NFIA: variants seen among roughly 807,000 people sequenced by gnomAD.
The protein encoded by NFIA is nuclear factor I A.
In NFIA, 8 loss-of-function variants were observed where a neutral mutation model predicts 62.8. That is an observed-to-expected ratio of 0.13 (90% confidence interval 0.07 to 0.23). The LOEUF is 0.23. Ranked by LOEUF, NFIA falls within the 10% of genes least tolerant of loss-of-function variation. NFIA has a pLI of 1.00. For synonymous variants in NFIA, 235 were observed against 238.1 expected, an observed-to-expected ratio of 0.99 and a Z score of 0.12; for missense variants, 410 against 642.1, an observed-to-expected ratio of 0.64 and a Z score of 3.91.
At chr1:61,352,785 GCA>G (rs1302904766) in intron 5 of NFIA, among the ~76,000 whole-genome samples, 1 of 115,742 alleles carries the variant, frequency 8.6e-6, no homozygotes, top group Non-Finnish European at 1.8e-5. Context: ...ACACACACAC[GCA>G]CACACACTAA....
At chr1:61,282,953 C>A (rs963541017) in intron 3 of NFIA, among the ~76,000 whole-genome samples, 1 of 152,192 alleles carries the variant, frequency 6.6e-6, no homozygotes, top group Non-Finnish European at 1.5e-5. Context: ...GTGGCATCAA[C>A]CCTCAGATGG....
chr1:61,450,650 G>A lies in NFIA; in HGVS notation c.1513-4653G>A, dbSNP rs75909582. ...TGTCCTCAAATAACCCACCTTGCCTGCAGAAGAAAGCCAAGTGTCACACCC... is the reference window on the plus strand; with the variant it reads ...TGTCCTCAAATAACCCACCTTGCCTACAGAAGAAAGCCAAGTGTCACACCC... On this transcript the variant is annotated intron_variant, in intron 10 of 10. Coordinates refer to ENST00000403491, the MANE Select transcript of NFIA (RefSeq NM_001134673.4). Among the ~76,000 whole-genome samples the A allele has an allele frequency of 1.3e-3, 200 of 152,262 alleles. 2 individuals are homozygous for A. The East Asian group carries it at 0.035, about 27-fold the overall frequency.
At chr1:61,138,136 C>T (rs1312583553) in intron 2 of NFIA, among the ~76,000 whole-genome samples, 1 of 152,110 alleles carries the variant, frequency 6.6e-6, no homozygotes, top group Admixed American at 6.6e-5. Flanking sequence ...TTCTCTGTCA[C>T]CCATGCTGGA....
intron 3 of NFIA, among the ~76,000 whole-genome samples, chr1:61,290,191 A>G (rs1658786949): frequency 6.6e-6 from 1 of 152,106 alleles, no homozygotes; most frequent in Non-Finnish European, 1.5e-5. Context: ...GGAGGTGGAG[A>G]CTATAAAATG....
At chr1:61,097,632 T>C (rs946890258) in intron 2 of NFIA, among the ~76,000 whole-genome samples, 14 of 152,254 alleles carry the variant, frequency 9.2e-5, no homozygotes, top group African/African-American at 3.1e-4. Context: ...ACATTACCCA[T>C]CTTCATTTAA....
intron 2 of NFIA, among the ~76,000 whole-genome samples, chr1:61,108,393 C>CT (rs2100448549): frequency 6.6e-6 from 1 of 151,652 alleles, no homozygotes; most frequent in East Asian, 1.9e-4. Context: ...GTTTTTAACT[C>CT]TAATTTCTAG....
chr1:61,353,618 G>T (rs902785906), intron 5 of NFIA, among the ~76,000 whole-genome samples: 4 of 152,040 alleles, frequency 2.6e-5, no homozygotes, highest in Admixed American at 6.6e-5. Flanking sequence ...CCAAATTATA[G>T]AACTTTTCCT....
chr1:61,108,502 A>G (rs552429113), intron 2 of NFIA, among the ~76,000 whole-genome samples: 1 of 151,718 alleles, frequency 6.6e-6, no homozygotes, highest in South Asian at 2.1e-4. Context: ...TTTGTTTACT[A>G]TTTCGATAAT....
At chr1:61,314,441 A>G (rs1660266802) in intron 3 of NFIA, among the ~76,000 whole-genome samples, 1 of 152,232 alleles carries the variant, frequency 6.6e-6, no homozygotes, top group African/African-American at 2.4e-5. Flanking sequence ...CAAAGCTAGT[A>G]ATTGAGTGAA....
intron 2 of NFIA, among the ~76,000 whole-genome samples, chr1:61,225,553 CTTTTTTT>C (rs71244590): frequency 8.2e-6 from 1 of 122,592 alleles, no homozygotes; most frequent in African/African-American, 3.1e-5. Context: ...CCAGCTCGTA[CTTTTTTT>C]TTTTTTTTTT....
intron 4 of NFIA, among the ~76,000 whole-genome samples, chr1:61,344,870 C>G (rs956142507): frequency 6.6e-6 from 1 of 152,184 alleles, no homozygotes; most frequent in African/African-American, 2.4e-5. Flanking sequence ...TCCTCTCTTT[C>G]CAACAATGCA....
Position 61,462,190 on chromosome 1 carries a change from C to T in NFIA, c.*6870C>T, listed in dbSNP as rs1283960718. 1.3e-5 allele frequency: 2 copies of T among 151,922 alleles called. No homozygotes were observed. The highest frequency in any genetic ancestry group is 2.9e-5 in the Non-Finnish European group (2 of 67,978). The allele number at this position is 151,922 out of a possible 1,614,324, so 9.4% of individuals were successfully genotyped here. A position where few individuals can be genotyped will look rare whatever the true frequency, so the allele number is the denominator to read the frequency against. ...GACCATCGTCTCTGCACTGCGAAGGCATTTGGTAGCCTCGCCACTGAGATA... is the reference window on the plus strand; with the variant it reads ...GACCATCGTCTCTGCACTGCGAAGGTATTTGGTAGCCTCGCCACTGAGATA... On this transcript the variant is annotated 3_prime_UTR_variant, in exon 11 of 11. Transcript: ENST00000403491.
upstream of NFIA, chr1:61,082,351 C>T: frequency 2.8e-6 from 1 of 353,822 alleles, no homozygotes; most frequent in Non-Finnish European, 3.9e-6. Context: ...GGCGCCGCAG[C>T]CGCCCCCTCC....
chr1:61,388,987 AC>A (rs1377784255), intron 7 of NFIA, among the ~76,000 whole-genome samples: 1 of 151,938 alleles, frequency 6.6e-6, no homozygotes, highest in Non-Finnish European at 1.5e-5. Flanking sequence ...AGTGGTAGAG[AC>A]CTGTGGTCCT....
chr1:61,091,954 T>G (rs1030358083), intron 2 of NFIA, among the ~76,000 whole-genome samples: 3 of 152,180 alleles, frequency 2.0e-5, no homozygotes, highest in Admixed American at 2.0e-4. Flanking sequence ...TTATACTTTT[T>G]AAGGACTCAT....
chr1:61,158,121 C>G (rs529578472), intron 2 of NFIA, among the ~76,000 whole-genome samples: 1 of 152,132 alleles, frequency 6.6e-6, no homozygotes, highest in African/African-American at 2.4e-5. Context: ...TTTTATTATT[C>G]TTAAGCAAAT....
chr1:61,382,319 T>C (rs7515625), intron 6 of NFIA, among the ~76,000 whole-genome samples: 3,113 of 152,314 alleles, frequency 0.02, 97 homozygotes, highest in African/African-American at 0.072. Flanking sequence ...AAGCATTTTC[T>C]ATGCTGGAAA....
intron 10 of NFIA, among the ~76,000 whole-genome samples, chr1:61,435,492 C>T (rs1667285829): frequency 6.6e-6 from 1 of 152,156 alleles, no homozygotes; most frequent in Admixed American, 6.5e-5. Context: ...CCTCTTCAGC[C>T]TCATGCTTAG....
intron 9 of NFIA, among the ~76,000 whole-genome samples, chr1:61,417,423 C>T (rs1666401817): frequency 6.6e-6 from 1 of 150,884 alleles, no homozygotes; most frequent in African/African-American, 2.4e-5. Flanking sequence ...TATATTCTTA[C>T]TATAGGACAT....
Sources: gnomAD v4.1 joint callset for allele counts (sites outside exome capture counted in the v4.1 genomes callset) on GRCh38, gnomAD v4.1.1 for gene constraint, MANE v1.5 for transcripts, NCBI Gene and HGNC (gene_info 2026-07-23, HGNC 2026-07-21) for gene names.